DPY19L3: variants seen among roughly 807,000 people sequenced by gnomAD.
DPY19L3 encodes protein C-mannosyl-transferase DPY19L3.
In DPY19L3, 51 loss-of-function variants were observed where a neutral mutation model predicts 92.3. That is an observed-to-expected ratio of 0.55 (90% CI 0.44 to 0.70). The LOEUF (loss-of-function observed/expected upper bound fraction) is 0.70, where lower values mean the gene tolerates loss of function less well. DPY19L3 is among the 30% of genes least tolerant of loss of function. The pLI, the probability that DPY19L3 is intolerant of heterozygous loss-of-function variation, is 0.00. For synonymous variants in DPY19L3, 309 were observed against 315.2 expected, an observed-to-expected ratio of 0.98 and a Z score of 0.21; for missense variants, 706 against 855.9, an observed-to-expected ratio of 0.82 and a Z score of 2.18.
intron 3 of DPY19L3, 42 bp from the exon 4 acceptor site, chr19:32,432,674 A>C (rs1315236478): frequency 1.3e-6 from 2 of 1,562,206 alleles, no homozygotes; most frequent in East Asian, 4.5e-5. Context: ...TATTTAAACA[A>C]AACTAGGTCA....
At chr19:32,440,438 A>G (rs1969287179) in intron 8 of DPY19L3, among the ~76,000 whole-genome samples, 1 of 152,208 alleles carries the variant, frequency 6.6e-6, no homozygotes, top group South Asian at 2.1e-4. Context: ...ATATGATTTT[A>G]TGTATTGCGT....
intron 15 of DPY19L3, among the ~76,000 whole-genome samples, chr19:32,465,788 T>G (rs190182141): frequency 1.1e-4 from 16 of 152,316 alleles, no homozygotes; most frequent in Non-Finnish European, 1.5e-4. Context: ...ACATTTACCA[T>G]TAGCAAAACT....
At chr19:32,432,037 A>C (rs1968987137) in intron 3 of DPY19L3, among the ~76,000 whole-genome samples, 1 of 152,184 alleles carries the variant, frequency 6.6e-6, no homozygotes. Flanking sequence ...CCTATAAATA[A>C]AGTGTATCAT....
intron 12 of DPY19L3, among the ~76,000 whole-genome samples, chr19:32,459,623 T>C (rs1037349682): frequency 6.6e-6 from 1 of 152,174 alleles, no homozygotes; most frequent in Non-Finnish European, 1.5e-5. Context: ...ATTCCAGACA[T>C]AGCAAGTGTC....
At chr19:32,439,273 A>G (rs1158381818) in intron 7 of DPY19L3, 38 bp downstream of exon 7, 6 of 1,587,036 alleles carry the variant, frequency 3.8e-6, no homozygotes, top group Non-Finnish European at 5.2e-6. Context: ...TTAATCCCCC[A>G]ATTTTATATA....
At chr19:32,444,361 G>A (rs1457443085) in intron 8 of DPY19L3, among the ~76,000 whole-genome samples, 1 of 152,054 alleles carries the variant, frequency 6.6e-6, no homozygotes, top group Non-Finnish European at 1.5e-5. Context: ...TCAGAGGAAA[G>A]AATCAGTGAA....
At position 32,432,796 on chromosome 19, in the gene DPY19L3, C is replaced by T. The variant is rs1969012904; in HGVS notation, c.318C>T (p.Thr106=). The T allele has an allele frequency of 6.2e-7, 1 of 1,613,724 alleles. No individual in the cohort carries two copies. The highest frequency in any genetic ancestry group is 1.1e-5 in the South Asian group (1 of 91,066). The change falls in exon 4 of 19, where the codon ACC becomes ACT. Residue 106 remains threonine (T), a synonymous_variant. Transcript: ENST00000392250. The part of the protein sequence containing the change: ...SYYKQMLQAP[T]LVQGFHGLIY... ...ACAAGCAGATGCTGCAGGCTCCAAC[C>T]CTCGTGCAAGGTAATTACAACTGAT...
chr19:32,429,624 C>G (rs1259875707), intron 3 of DPY19L3, among the ~76,000 whole-genome samples: 1 of 152,150 alleles, frequency 6.6e-6, no homozygotes, highest in Non-Finnish European at 1.5e-5. Context: ...TTCTTATTCC[C>G]TGGTCTTTTA....
intron 3 of DPY19L3, among the ~76,000 whole-genome samples, chr19:32,413,552 A>G (rs1968268247): frequency 6.6e-6 from 1 of 150,870 alleles, no homozygotes; most frequent in Non-Finnish European, 1.5e-5. Context: ...TGCACCCACT[A>G]ACTCGTCATC....
intron 16 of DPY19L3, among the ~76,000 whole-genome samples, chr19:32,475,260 C>A (rs1970471449): frequency 6.6e-6 from 1 of 152,192 alleles, no homozygotes; most frequent in Non-Finnish European, 1.5e-5. Flanking sequence ...GTTGGAAGCT[C>A]AGCTGCCGGG....
Position 32,474,017 on chromosome 19 carries a change from G to A in DPY19L3, c.1698-3505G>A, listed in dbSNP as rs139694611. ...GGAGTTTCACCATGTTGGCCAGGCT[G>A]GTCTCGAACTCCTGACCTCAAGCAA... On this transcript the variant is annotated intron_variant, in intron 16 of 18. Transcript: ENST00000392250. Among the ~76,000 whole-genome samples the A allele has an allele frequency of 7.0e-3, 1,069 of 152,190 alleles. 2 individuals carry two copies. The highest frequency in any genetic ancestry group is 0.012 in the Non-Finnish European group (802 of 68,004).
intron 1 of DPY19L3, among the ~76,000 whole-genome samples, chr19:32,407,002 CTT>C (rs11428433): frequency 9.8e-5 from 13 of 132,186 alleles, no homozygotes; most frequent in Admixed American, 7.3e-5. Context: ...TGGCTTCCTG[CTT>C]TTTTTTTTTT....
At chr19:32,410,196 G>T (rs1186144119) in intron 2 of DPY19L3, among the ~76,000 whole-genome samples, 1 of 152,130 alleles carries the variant, frequency 6.6e-6, no homozygotes, top group Non-Finnish European at 1.5e-5. Context: ...AACATCTTCA[G>T]TCTGTTATTA....
At chr19:32,481,939 A>G (rs2145647188) in intron 18 of DPY19L3, 140 bp from the exon 19 acceptor site, 1 of 925,390 alleles carries the variant, frequency 1.1e-6, no homozygotes, top group Non-Finnish European at 1.6e-6. Context: ...GATGATCTCC[A>G]GGTGCCCATG....
chr19:32,436,505 C>A lies in DPY19L3; in HGVS notation c.388C>A (p.Gln130Lys). Reference sequence around the variant, plus strand: ...ATCTATGAAGACAATTAACCTCCTTCAGCGAATGAATATTTACCAAGAGGT... The same window carrying A: ...ATCTATGAAGACAATTAACCTCCTTAAGCGAATGAATATTTACCAAGAGGT... ...TESMKTINLL[Q>K]RMNIYQEVFL... The change falls in exon 5 of 19, where the codon CAG becomes AAG. Residue 130 changes from glutamine to lysine, a missense_variant. Gln to Lys is a moderately conservative substitution (Grantham distance 53, BLOSUM62 1). Transcript: ENST00000392250. 1 of 1,578,904 alleles carries A rather than the reference C, an allele frequency of 6.3e-7. No individual in the cohort carries two copies. Among genetic ancestry groups the A allele is most frequent in the Non-Finnish European group, 8.7e-7 (1 of 1,153,902 alleles).
chr19:32,440,955 G>C (rs1969303254), intron 8 of DPY19L3, among the ~76,000 whole-genome samples: 1 of 152,022 alleles, frequency 6.6e-6, no homozygotes, highest in Non-Finnish European at 1.5e-5. Context: ...ATAGGAAGGT[G>C]GAATGCAGCA....
At chr19:32,457,781 T>G (rs1216135294) in intron 10 of DPY19L3, among the ~76,000 whole-genome samples, 1 of 152,228 alleles carries the variant, frequency 6.6e-6, no homozygotes, top group Admixed American at 6.5e-5. Flanking sequence ...TGAAAACTTA[T>G]GCACACTATG....
rs1370589120 is a variant in DPY19L3, at chr19:32,411,342, T to A, written c.207T>A (p.His69Gln). 1 of 1,614,146 alleles carries A rather than the reference T, an allele frequency of 6.2e-7. No individual in the cohort carries two copies. The highest frequency in any genetic ancestry group is 8.5e-7 in the Non-Finnish European group (1 of 1,180,010). The change falls in exon 3 of 19, where the codon CAT becomes CAA. Residue 69 changes from histidine to glutamine, a missense_variant. By Grantham distance (24) the His-to-Gln change is conservative. Transcript: ENST00000392250. The stretch of plus-strand genomic sequence containing the variant: ...CATCTGTCTACCTTGCCACGTTACA[T>A]GAAAATGATTTATGGTTTTCTAATA... ...LLTSVYLATL[H>Q]ENDLWFSNIK...
At chr19:32,409,278 C>T (rs1011771702) in intron 2 of DPY19L3, among the ~76,000 whole-genome samples, 2 of 152,316 alleles carry the variant, frequency 1.3e-5, no homozygotes, top group Non-Finnish European at 2.9e-5. Flanking sequence ...CATAAGCATT[C>T]GTATACAGTT....
Sources: gnomAD v4.1 joint callset for allele counts (sites outside exome capture counted in the v4.1 genomes callset) on GRCh38, gnomAD v4.1.1 for gene constraint, MANE v1.5 for transcripts, NCBI Gene and HGNC (gene_info 2026-07-23, HGNC 2026-07-21) for gene names.